BACH1: variants seen among roughly 807,000 people sequenced by gnomAD.
BACH1 encodes BTB domain and CNC homolog 1, also known as transcription regulator protein BACH1.
A neutral mutation model predicts 52.9 loss-of-function variants in BACH1; 35 were observed. That is an observed-to-expected ratio of 0.66 (90% CI 0.51 to 0.88). The LOEUF (loss-of-function observed/expected upper bound fraction) is 0.88, where lower values mean the gene tolerates loss of function less well. BACH1 is among the 40% of genes least tolerant of loss of function. BACH1 has a pLI of 0.00. For missense variants in BACH1, 808 were observed against 872.6 expected, an observed-to-expected ratio of 0.93 and a Z score of 0.93; for synonymous variants, 321 against 319.6, an observed-to-expected ratio of 1.00 and a Z score of -0.05.
intron 1 of BACH1, among the ~76,000 whole-genome samples, chr21:29,319,771 G>C (rs2088827738): frequency 6.7e-6 from 1 of 149,830 alleles, no homozygotes; most frequent in East Asian, 2.0e-4. Context: ...CATGGAGTCC[G>C]GCTTGGTTGG....
intron 4 of BACH1, among the ~76,000 whole-genome samples, chr21:29,341,303 C>T (rs2089110102): frequency 6.6e-6 from 1 of 152,204 alleles, no homozygotes; most frequent in Non-Finnish European, 1.5e-5. Flanking sequence ...TCTCCAGAAC[C>T]TGTCAATGAA....
chr21:29,341,912 C>T (rs2089117527), intron 4 of BACH1, among the ~76,000 whole-genome samples: 2 of 152,174 alleles, frequency 1.3e-5, no homozygotes, highest in Non-Finnish European at 2.9e-5. Context: ...TGTACTTTTA[C>T]TTTTTTTCTT....
chr21:29,346,728 A>G (rs116425305), downstream of BACH1, among the ~76,000 whole-genome samples: 542 of 152,342 alleles, frequency 3.6e-3, 3 homozygotes, highest in African/African-American at 0.012. Context: ...TAGACCAACG[A>G]TGGAATCAAG....
intron 1 of BACH1, among the ~76,000 whole-genome samples, chr21:29,306,347 C>G (rs1028036218): frequency 6.6e-6 from 1 of 151,642 alleles, no homozygotes; most frequent in African/African-American, 2.4e-5. Context: ...CTTAAGTTTC[C>G]TGGAAGAAGA....
chr21:29,299,498 T>G (rs990260440), intron 1 of BACH1: 1 of 152,286 alleles, frequency 6.6e-6, no homozygotes, highest in African/African-American at 2.4e-5. Context: ...GCCACCGTGC[T>G]GAGCTGGATT....
downstream of BACH1, among the ~76,000 whole-genome samples, chr21:29,347,579 C>T (rs915925020): frequency 2.6e-5 from 4 of 152,186 alleles, no homozygotes; most frequent in Non-Finnish European, 4.4e-5. Context: ...ATTGCTCAAC[C>T]AGGGCTGTGA....
chr21:29,347,260 C>A (rs2089174866), downstream of BACH1, among the ~76,000 whole-genome samples: 1 of 152,170 alleles, frequency 6.6e-6, no homozygotes, highest in African/African-American at 2.4e-5. Context: ...TGGAATTAGG[C>A]AGACTTAATC....
At chr21:29,320,456 T>C (rs2088835080) in intron 1 of BACH1, among the ~76,000 whole-genome samples, 1 of 152,316 alleles carries the variant, frequency 6.6e-6, no homozygotes, top group Non-Finnish European at 1.5e-5. Context: ...TCAAAAAATA[T>C]TTGGAGGCTA....
chr21:29,330,711 G>A (rs1256147331), intron 4 of BACH1, among the ~76,000 whole-genome samples: 2 of 152,094 alleles, frequency 1.3e-5, no homozygotes, highest in African/African-American at 4.8e-5. Flanking sequence ...AAGTTTAAAA[G>A]TTGGGATTGT....
At chr21:29,316,280 T>C (rs1347015473) in intron 1 of BACH1, among the ~76,000 whole-genome samples, 1 of 152,188 alleles carries the variant, frequency 6.6e-6, no homozygotes, top group African/African-American at 2.4e-5. Flanking sequence ...TGTCAAGTAG[T>C]AACTATATCA....
intron 1 of BACH1, among the ~76,000 whole-genome samples, chr21:29,309,482 T>A (rs2088696327): frequency 6.6e-6 from 1 of 152,182 alleles, no homozygotes; most frequent in Non-Finnish European, 1.5e-5. Context: ...AAATGTAATA[T>A]TTGGACCTGG....
chr21:29,324,257 C>G (rs2088883098), intron 2 of BACH1, among the ~76,000 whole-genome samples: 1 of 143,848 alleles, frequency 7.0e-6, no homozygotes, highest in African/African-American at 2.6e-5. Context: ...AAAAAAGGAA[C>G]TGAACTTGCC....
At chr21:29,300,764 G>A (rs2088594578) in intron 1 of BACH1, 1 of 152,204 alleles carries the variant, frequency 6.6e-6, no homozygotes, top group Non-Finnish European at 1.5e-5. Flanking sequence ...ACACAGAAGG[G>A]ACTTGCTCTG....
Position 29,343,770 on chromosome 21 carries a change from G to C in BACH1, c.*937G>C, listed in dbSNP as rs191170196. 3.9e-5 allele frequency: 6 copies of C among 152,314 alleles called. No individual in the cohort carries two copies. The highest frequency in any genetic ancestry group is 3.4e-3 in the Middle Eastern group (1 of 294). 9.4% of individuals were successfully genotyped at this position (152,314 alleles called of 1,614,324 possible). On this transcript the variant is annotated 3_prime_UTR_variant, in exon 5 of 5. Coordinates refer to ENST00000286800, the MANE Select transcript of BACH1 (RefSeq NM_001186.4). ...CAGAAAACCAGACATCACGGGGAAA[G>C]AATGTTGCTTACTTTTTACCAGGAG... is the stretch of plus-strand genomic sequence containing the variant.
downstream of BACH1, among the ~76,000 whole-genome samples, chr21:29,347,715 A>G (rs1366961457): frequency 2.0e-5 from 3 of 152,224 alleles, no homozygotes; most frequent in South Asian, 2.1e-4. Context: ...ATTTGGTCTC[A>G]GAAGGCTCTG....
At chr21:29,316,661 A>T (rs2088790711) in intron 1 of BACH1, among the ~76,000 whole-genome samples, 1 of 152,234 alleles carries the variant, frequency 6.6e-6, no homozygotes, top group African/African-American at 2.4e-5. Flanking sequence ...CTGACCACTT[A>T]GATGGTTTCC....
chr21:29,320,404 G>C (rs2088834593), intron 1 of BACH1, among the ~76,000 whole-genome samples: 1 of 152,148 alleles, frequency 6.6e-6, no homozygotes. Flanking sequence ...AAGCATACAC[G>C]TATTGGGGGT....
At chr21:29,341,058 A>G (rs2089106802) in intron 4 of BACH1, among the ~76,000 whole-genome samples, 2 of 152,040 alleles carry the variant, frequency 1.3e-5, no homozygotes, top group African/African-American at 4.8e-5. Context: ...TTTTGTATTT[A>G]TTGTATATTT....
At chr21:29,333,888 A>G (rs1464694077) in intron 4 of BACH1, among the ~76,000 whole-genome samples, 3 of 152,362 alleles carry the variant, frequency 2.0e-5, no homozygotes, top group Non-Finnish European at 2.9e-5. Context: ...GTATTTCTCA[A>G]CAAGAAGTTC....
Sources: allele counts gnomAD v4.1 joint callset (sites outside exome capture counted in the v4.1 genomes callset), GRCh38; gene constraint gnomAD v4.1.1; transcripts MANE v1.5; gene names NCBI Gene and HGNC (gene_info 2026-07-23, HGNC 2026-07-21).